CDH13: variants seen among roughly 807,000 people sequenced by gnomAD.
The protein encoded by CDH13 is cadherin-13.
CDH13 carries 24 observed loss-of-function variants against 63.8 expected under a neutral mutation model. The ratio of observed to expected loss-of-function variants is 0.38; its 90% CI spans 0.27 to 0.53. The LOEUF (loss-of-function observed/expected upper bound fraction) is 0.53, where lower values mean the gene tolerates loss of function less well. CDH13 is among the 20% of genes least tolerant of loss of function. CDH13 has a pLI of 0.85. For synonymous variants in CDH13, 503 were observed against 355.3 expected (o/e 1.42, Z -4.67); for missense variants, 1,049 against 903.1 (o/e 1.16, Z -2.07).
At chr16:82,959,861 A>G (rs1452368320) in intron 2 of CDH13, among the ~76,000 whole-genome samples, 2 of 152,190 alleles carry the variant, frequency 1.3e-5, no homozygotes, top group African/African-American at 4.8e-5. Flanking sequence ...TACGGCAGCT[A>G]TGCACAATTG....
chr16:83,221,041 T>C (rs1347421691), intron 5 of CDH13, among the ~76,000 whole-genome samples: 1 of 152,252 alleles, frequency 6.6e-6, no homozygotes, highest in Non-Finnish European at 1.5e-5. Context: ...GTTAAACAAC[T>C]TTTTCAAGGT....
At chr16:83,715,353 T>G (rs1184484135) in intron 10 of CDH13, among the ~76,000 whole-genome samples, 1 of 152,192 alleles carries the variant, frequency 6.6e-6, no homozygotes, top group Non-Finnish European at 1.5e-5. Flanking sequence ...ATCCATCTAC[T>G]TTATCCTCAC....
At chr16:83,303,957 T>C (rs1011413475) in intron 5 of CDH13, among the ~76,000 whole-genome samples, 2 of 152,174 alleles carry the variant, frequency 1.3e-5, no homozygotes, top group Non-Finnish European at 2.9e-5. Context: ...TCTCAGACTT[T>C]GCCTATCTGA....
At chr16:83,558,939 G>T (rs893610824) in intron 7 of CDH13, among the ~76,000 whole-genome samples, 1 of 134,084 alleles carries the variant, frequency 7.5e-6, no homozygotes, top group African/African-American at 2.8e-5. Flanking sequence ...AGGGCAGACA[G>T]AGAGGTCAGT....
chr16:82,700,013 T>C (rs2030789078), intron 1 of CDH13, among the ~76,000 whole-genome samples: 1 of 152,232 alleles, frequency 6.6e-6, no homozygotes, highest in South Asian at 2.1e-4. Flanking sequence ...TAAGATTGGC[T>C]TACTCTAGAA....
At chr16:82,838,986 C>A (rs9922081) in intron 1 of CDH13, among the ~76,000 whole-genome samples, 3 of 152,126 alleles carry the variant, frequency 2.0e-5, no homozygotes, top group Non-Finnish European at 2.9e-5. Flanking sequence ...TCTACTCTGC[C>A]ATTGTAGCAT....
At chr16:83,757,159 C>T (rs1250739517) in intron 11 of CDH13, among the ~76,000 whole-genome samples, 1 of 152,150 alleles carries the variant, frequency 6.6e-6, no homozygotes, top group African/African-American at 2.4e-5. Context: ...TAAAACAGTA[C>T]ACTTCCAAAT....
intron 2 of CDH13, among the ~76,000 whole-genome samples, chr16:83,009,669 T>C (rs1913919757): frequency 6.6e-6 from 1 of 152,206 alleles, no homozygotes. Context: ...ATTGTATCTA[T>C]TAGTGCATAT....
chr16:83,031,239 ATACAT>A (rs1916287770), intron 2 of CDH13, among the ~76,000 whole-genome samples: 1 of 146,382 alleles, frequency 6.8e-6, no homozygotes, highest in African/African-American at 2.5e-5. Context: ...TATACACCAT[ATACAT>A]GCGCATGTAT....
At chr16:83,388,434 C>T (rs1224575707) in intron 6 of CDH13, among the ~76,000 whole-genome samples, 2 of 152,044 alleles carry the variant, frequency 1.3e-5, no homozygotes, top group African/African-American at 4.8e-5. Context: ...GCTTGGCCAA[C>T]AGTAAGATCC....
chr16:83,490,990 T>G (rs1159205139), intron 7 of CDH13, among the ~76,000 whole-genome samples: 1 of 152,214 alleles, frequency 6.6e-6, no homozygotes. Flanking sequence ...AAAGATCTGT[T>G]AGGTTATCAG....
At chr16:82,736,957 C>G (rs186310716) in intron 1 of CDH13, among the ~76,000 whole-genome samples, 68 of 152,318 alleles carry the variant, frequency 4.5e-4, no homozygotes, top group East Asian at 7.7e-4. Flanking sequence ...TTCCTCCCCT[C>G]TGAATATTCC....
intron 5 of CDH13, among the ~76,000 whole-genome samples, chr16:83,220,948 GTATAATTCTCT>G (rs1245189580): frequency 6.6e-6 from 1 of 152,228 alleles, no homozygotes; most frequent in Admixed American, 6.5e-5. Context: ...TAAACACTTT[GTATAATTCTCT>G]TATTTAATCC....
intron 5 of CDH13, among the ~76,000 whole-genome samples, chr16:83,321,551 C>T (rs866244862): frequency 1.5e-3 from 117 of 76,484 alleles, no homozygotes; most frequent in Admixed American, 7.3e-3. Flanking sequence ...TTTTTTGAGA[C>T]GGAGTCTCAC....
intron 10 of CDH13, among the ~76,000 whole-genome samples, chr16:83,744,698 C>G (rs1260555352): frequency 6.6e-6 from 1 of 152,196 alleles, no homozygotes; most frequent in Admixed American, 6.5e-5. Flanking sequence ...AACGGCTCCC[C>G]CGAGGGCGCC....
chr16:83,676,897 C>G (rs1443557606), intron 9 of CDH13, among the ~76,000 whole-genome samples: 1 of 152,240 alleles, frequency 6.6e-6, no homozygotes, highest in East Asian at 1.9e-4. Flanking sequence ...CAGCTCTTTC[C>G]CCAGCATCAA....
chr16:83,439,634 G>A (rs950364195), intron 6 of CDH13, among the ~76,000 whole-genome samples: 1 of 152,180 alleles, frequency 6.6e-6, no homozygotes, highest in Non-Finnish European at 1.5e-5. Context: ...CGATGGCTTC[G>A]GCAATGTTCA....
intron 1 of CDH13, among the ~76,000 whole-genome samples, chr16:82,834,139 CT>C (rs2038663978): frequency 6.6e-6 from 1 of 152,188 alleles, no homozygotes; most frequent in South Asian, 2.1e-4. Flanking sequence ...AGGATTAACT[CT>C]TGATGCACTA....
chr16:82,870,171 G>A (rs769449489), intron 2 of CDH13, among the ~76,000 whole-genome samples: 16 of 152,070 alleles, frequency 1.1e-4, no homozygotes, highest in African/African-American at 2.2e-4. Flanking sequence ...ATGAATTGAC[G>A]TTTCTCAAAG....
Sources: gnomAD v4.1 joint callset for allele counts (sites outside exome capture counted in the v4.1 genomes callset) on GRCh38, gnomAD v4.1.1 for gene constraint, MANE v1.5 for transcripts, NCBI Gene and HGNC (gene_info 2026-07-23, HGNC 2026-07-21) for gene names.